Variants in DLGAP1 observed in about 807,000 individuals in gnomAD.
DLGAP1 encodes the protein disks large-associated protein 1.
Under a neutral mutation model 90.8 loss-of-function variants are expected in DLGAP1, and 11 were observed. The ratio of observed to expected loss-of-function variants is 0.12; its 90% CI spans 0.08 to 0.20. The LOEUF (loss-of-function observed/expected upper bound fraction) is 0.20, where lower values mean the gene tolerates loss of function less well. Ranked by LOEUF, DLGAP1 falls within the 10% of genes least tolerant of loss-of-function variation. The pLI, the probability that DLGAP1 is intolerant of heterozygous loss-of-function variation, is 1.00. For synonymous variants in DLGAP1, 558 were observed against 540.7 expected (o/e 1.03, Z -0.44); for missense variants, 1,050 against 1,333.8 (o/e 0.79, Z 3.31).
At chr18:3,515,548 A>AT (rs1317724570) in intron 10 of DLGAP1, among the ~76,000 whole-genome samples, 1 of 147,506 alleles carries the variant, frequency 6.8e-6, no homozygotes, top group African/African-American at 2.5e-5. Flanking sequence ...GGAGGCCAAG[A>AT]TAGGAGGATT....
chr18:3,909,742 G>A (rs2071991446), intron 3 of DLGAP1, among the ~76,000 whole-genome samples: 1 of 152,076 alleles, frequency 6.6e-6, no homozygotes, highest in African/African-American at 2.4e-5. Flanking sequence ...GCACACCACT[G>A]GTTGGTTGTT....
intron 5 of DLGAP1, among the ~76,000 whole-genome samples, chr18:3,792,335 G>A (rs560820181): frequency 3.3e-5 from 5 of 152,090 alleles, no homozygotes; most frequent in Non-Finnish European, 5.9e-5. Flanking sequence ...ACAAAAATTA[G>A]CCAGGCATGG....
chr18:3,921,951 T>C (rs2148912797), intron 3 of DLGAP1, among the ~76,000 whole-genome samples: 1 of 152,220 alleles, frequency 6.6e-6, no homozygotes, highest in African/African-American at 2.4e-5. Context: ...TTGAGAGATC[T>C]AGATTTGGAA....
intron 1 of DLGAP1, among the ~76,000 whole-genome samples, chr18:4,381,453 A>T (rs1241751847): frequency 6.6e-6 from 1 of 152,202 alleles, no homozygotes; most frequent in Non-Finnish European, 1.5e-5. Context: ...CTTCAAAAAT[A>T]ATCTTCTGTG....
chr18:4,403,097 T>C (rs1056129244), intron 1 of DLGAP1, among the ~76,000 whole-genome samples: 8 of 152,220 alleles, frequency 5.3e-5, no homozygotes, highest in Admixed American at 2.0e-4. Flanking sequence ...CATTAATTAA[T>C]GGTAGGTATT....
chr18:4,285,748 A>G (rs1458176757), intron 1 of DLGAP1, among the ~76,000 whole-genome samples: 2 of 152,182 alleles, frequency 1.3e-5, no homozygotes, highest in East Asian at 3.9e-4. Context: ...CAGTTTGAAC[A>G]CTTAGCAGTC....
intron 3 of DLGAP1, among the ~76,000 whole-genome samples, chr18:3,960,549 G>A (rs983763712): frequency 2.0e-5 from 3 of 152,082 alleles, no homozygotes; most frequent in Non-Finnish European, 2.9e-5. Flanking sequence ...GTGACAGAGC[G>A]GAGACCCCCA....
intron 1 of DLGAP1, among the ~76,000 whole-genome samples, chr18:4,410,076 T>C (rs1013424022): frequency 6.6e-6 from 1 of 152,226 alleles, no homozygotes; most frequent in Non-Finnish European, 1.5e-5. Flanking sequence ...AAACATGGTA[T>C]GTTCTCACTG....
chr18:4,000,581 A>G (rs2074162523), intron 3 of DLGAP1, among the ~76,000 whole-genome samples: 1 of 152,220 alleles, frequency 6.6e-6, no homozygotes, highest in African/African-American at 2.4e-5. Context: ...CTTGGTCTCC[A>G]TAAATTCCCC....
chr18:3,904,858 CATAAAAT>C (rs2071861910), intron 3 of DLGAP1, among the ~76,000 whole-genome samples: 2 of 152,158 alleles, frequency 1.3e-5, no homozygotes, highest in East Asian at 3.9e-4. Flanking sequence ...ACATCTTGTA[CATAAAAT>C]ATAAAAGTAA....
chr18:3,873,950 G>A (rs1186135242), intron 4 of DLGAP1, among the ~76,000 whole-genome samples: 1 of 152,124 alleles, frequency 6.6e-6, no homozygotes, highest in Non-Finnish European at 1.5e-5. Context: ...TGGAGACACA[G>A]ATTTGTAGAT....
chr18:4,320,717 TACAC>T (rs71160954), intron 1 of DLGAP1, among the ~76,000 whole-genome samples: 6,223 of 146,710 alleles, frequency 0.042, 188 homozygotes, highest in Non-Finnish European at 0.059. Flanking sequence ...ATTACAATTT[TACAC>T]ACACACACAC....
chr18:3,880,110 G>C lies in DLGAP1; in HGVS notation c.-42C>G. On this transcript the variant is annotated 5_prime_UTR_variant, in exon 4 of 13. Transcript: ENST00000315677. ...CCGCCAGGGTCATGGACACCCGGAAGTCAGGCTCCAGACCCGTCTTGGGCA... is the reference window on the plus strand; with the variant it reads ...CCGCCAGGGTCATGGACACCCGGAACTCAGGCTCCAGACCCGTCTTGGGCA... 6.3e-7 allele frequency: 1 copy of C among 1,577,830 alleles called. No individual in the cohort carries two copies. The highest frequency in any genetic ancestry group is 1.7e-5 in the Admixed American group (1 of 59,732).
rs1413492227 is a variant in DLGAP1 at position 3,571,826 on chromosome 18, G to A, written c.1966-4245C>T. 2.6e-5 allele frequency among the ~76,000 whole-genome samples: 4 copies of A among 152,040 alleles called. No homozygotes were observed. The East Asian group carries it at 7.7e-4, about 29-fold the overall frequency. On this transcript the variant is annotated intron_variant, in intron 8 of 12. Coordinates refer to ENST00000315677, the MANE Select transcript of DLGAP1 (RefSeq NM_004746.4). Reference sequence around the variant, plus strand: ...CAGGCGTGAGCCAATGTTCCCGGCCGCCTGGAGGTCTTATATTTTATGTAA... The same window carrying A: ...CAGGCGTGAGCCAATGTTCCCGGCCACCTGGAGGTCTTATATTTTATGTAA...
intron 8 of DLGAP1, among the ~76,000 whole-genome samples, chr18:3,569,356 T>C (rs1396285001): frequency 6.6e-6 from 1 of 151,986 alleles, no homozygotes; most frequent in Non-Finnish European, 1.5e-5. Context: ...TCATATCCTT[T>C]ACTAGTCTCC....
At chr18:3,551,717 T>TG (rs2053468982) in intron 9 of DLGAP1, among the ~76,000 whole-genome samples, 1 of 37,348 alleles carries the variant, frequency 2.7e-5, no homozygotes, top group African/African-American at 1.3e-4. Context: ...CCTCCCTCCC[T>TG]CCCTCCCTTC....
At chr18:3,918,705 C>T (rs906976955) in intron 3 of DLGAP1, among the ~76,000 whole-genome samples, 2 of 152,084 alleles carry the variant, frequency 1.3e-5, no homozygotes, top group East Asian at 1.9e-4. Flanking sequence ...TCCTGGGGAT[C>T]GTGGGCAGGA....
chr18:4,370,496 C>T (rs889319221), intron 1 of DLGAP1, among the ~76,000 whole-genome samples: 5 of 152,146 alleles, frequency 3.3e-5, no homozygotes, highest in African/African-American at 1.2e-4. Context: ...CACTTCTCAT[C>T]GACTTTTCCC....
rs1044828489 is a variant in DLGAP1, at chr18:3,727,418, C to T, written c.1591+1717G>A. 3.3e-5 allele frequency among the ~76,000 whole-genome samples: 5 copies of T among 152,182 alleles called. No homozygotes were observed. Among genetic ancestry groups the T allele is most frequent in the Non-Finnish European group, 7.3e-5 (5 of 68,034 alleles). ...TTATCTGCAACACCGTTTCCTGAGGCGGAAGGAGTGAGCCACCAGCCCTTT... is the reference window on the plus strand; with the variant it reads ...TTATCTGCAACACCGTTTCCTGAGGTGGAAGGAGTGAGCCACCAGCCCTTT... On this transcript the variant is annotated intron_variant, in intron 7 of 12. Coordinates refer to ENST00000315677, the MANE Select transcript of DLGAP1 (RefSeq NM_004746.4). This position sits in a 1 kb window ranked among gnomAD's most constrained non-coding sequence, Gnocchi z 4.7.
Sources: allele counts gnomAD v4.1 joint callset (sites outside exome capture counted in the v4.1 genomes callset), GRCh38; gene constraint gnomAD v4.1.1; non-coding constraint Gnocchi (gnomAD v3.1); transcripts MANE v1.5; gene names NCBI Gene and HGNC (gene_info 2026-07-23, HGNC 2026-07-21).